METTL16: variants seen among roughly 807,000 people sequenced by gnomAD.
METTL16 encodes the protein RNA N(6)-adenosine-methyltransferase METTL16.
A neutral mutation model predicts 57.9 loss-of-function variants in METTL16; 19 were observed. The ratio of observed to expected loss-of-function variants is 0.33; its 90% confidence interval spans 0.23 to 0.48. The LOEUF (loss-of-function observed/expected upper bound fraction) is 0.48, where lower values mean the gene tolerates loss of function less well. METTL16 is among the 20% of genes least tolerant of loss of function. The pLI is 0.99. For synonymous variants in METTL16, 246 were observed against 255.6 expected (o/e 0.96, Z 0.36); for missense variants, 434 against 691.5 (o/e 0.63, Z 4.18).
chr17:2,459,192 A>G (rs1409597804), intron 6 of METTL16, among the ~76,000 whole-genome samples: 1 of 152,228 alleles, frequency 6.6e-6, no homozygotes, highest in Non-Finnish European at 1.5e-5. Context: ...AAGCACTTGT[A>G]AATCCTCATC....
At chr17:2,467,511 T>C (rs1156815074) in intron 5 of METTL16, among the ~76,000 whole-genome samples, 2 of 152,134 alleles carry the variant, frequency 1.3e-5, no homozygotes, top group Non-Finnish European at 2.9e-5. Flanking sequence ...CTGCAACCTC[T>C]GCCTCCCGGG....
chr17:2,417,105 G>T lies in METTL16; in HGVS notation c.*2865C>A, dbSNP rs967597913. ...TTTTTTGAGACAGTCCCACTTTGTC[G>T]CCCAGGCTGTAGTGCAGTGGCATTC... On this transcript the variant is annotated 3_prime_UTR_variant, in exon 10 of 10. Coordinates refer to ENST00000263092, the MANE Select transcript of METTL16 (RefSeq NM_024086.4). 9.8e-6 allele frequency: 1 copy of T among 102,092 alleles called. No homozygotes were observed. Among genetic ancestry groups the T allele is most frequent in the East Asian group, 3.8e-4 (1 of 2,616 alleles). The allele number at this position is 102,092 out of a possible 1,614,324, so 6.3% of individuals were successfully genotyped here.
chr17:2,444,257 T>C (rs567270304), intron 6 of METTL16, among the ~76,000 whole-genome samples: 1 of 152,004 alleles, frequency 6.6e-6, no homozygotes, highest in Non-Finnish European at 1.5e-5. Flanking sequence ...CGAGACTAGC[T>C]TGGCCAACAT....
At chr17:2,430,663 C>T (rs998154892) in intron 8 of METTL16, among the ~76,000 whole-genome samples, 5 of 152,026 alleles carry the variant, frequency 3.3e-5, no homozygotes, top group African/African-American at 7.2e-5. Flanking sequence ...CGCGATCCGC[C>T]GGCCTTGGCC....
At chr17:2,509,380 C>T (rs1158856143) in intron 1 of METTL16, among the ~76,000 whole-genome samples, 1 of 152,034 alleles carries the variant, frequency 6.6e-6, no homozygotes, top group African/African-American at 2.4e-5. Flanking sequence ...CCTTTACTGA[C>T]CATCAGGAAA....
At chr17:2,489,483 C>T (rs1431891181) in intron 2 of METTL16, among the ~76,000 whole-genome samples, 1 of 151,786 alleles carries the variant, frequency 6.6e-6, no homozygotes, top group Non-Finnish European at 1.5e-5. Context: ...GGTGAAACCC[C>T]GTCTCCACTA....
intron 8 of METTL16, among the ~76,000 whole-genome samples, chr17:2,427,100 C>T (rs1270177394): frequency 6.6e-6 from 1 of 152,248 alleles, no homozygotes; most frequent in South Asian, 2.1e-4. Flanking sequence ...GAGCCGACAT[C>T]GTGCCACAGC....
At chr17:2,489,484 G>A (rs1012793914) in intron 2 of METTL16, among the ~76,000 whole-genome samples, 1 of 151,772 alleles carries the variant, frequency 6.6e-6, no homozygotes, top group East Asian at 1.9e-4. Flanking sequence ...GTGAAACCCC[G>A]TCTCCACTAA....
chr17:2,458,220 G>A (rs1697131043), intron 6 of METTL16, among the ~76,000 whole-genome samples: 2 of 152,108 alleles, frequency 1.3e-5, no homozygotes, highest in African/African-American at 2.4e-5. Context: ...CCCAAAATAG[G>A]TGGATTATAT....
At chr17:2,460,347 A>G (rs1484425231) in intron 6 of METTL16, 1 of 152,116 alleles carries the variant, frequency 6.6e-6, no homozygotes, top group Non-Finnish European at 1.5e-5. Context: ...TAGCAAATTT[A>G]CACCCTTCAT....
At chr17:2,508,248 GTTTT>G (rs960931474) in intron 1 of METTL16, among the ~76,000 whole-genome samples, 1 of 152,094 alleles carries the variant, frequency 6.6e-6, no homozygotes, top group African/African-American at 2.4e-5. Context: ...ATTTCAGATG[GTTTT>G]TTGACAGCTT....
intron 8 of METTL16, among the ~76,000 whole-genome samples, chr17:2,434,600 G>A (rs4482328): frequency 0.27 from 41,309 of 152,060 alleles, 9,378 homozygotes; most frequent in African/African-American, 0.62. Context: ...AAAATGAGAG[G>A]GAGGTCTCAA....
chr17:2,468,003 C>A, intron 4 of METTL16, 127 bp from the exon 5 acceptor site: 1 of 649,096 alleles, frequency 1.5e-6, no homozygotes, highest in Admixed American at 2.7e-5. Flanking sequence ...ATTATAACAC[C>A]ACATTTTTAC....
chr17:2,481,661 A>T (rs2067307730), intron 2 of METTL16, among the ~76,000 whole-genome samples: 1 of 152,210 alleles, frequency 6.6e-6, no homozygotes, highest in Non-Finnish European at 1.5e-5. Context: ...AGTAAACATA[A>T]GAGAGGTTAA....
At chr17:2,505,395 ATTTTTTTTTTTTTTT>A (rs564797281) in intron 1 of METTL16, among the ~76,000 whole-genome samples, 5 of 50,590 alleles carry the variant, frequency 9.9e-5, no homozygotes, top group African/African-American at 2.6e-4. Flanking sequence ...GCCCAGAGGC[ATTTTTTTTTTTTTTT>A]TTTTTTTTTT....
intron 8 of METTL16, among the ~76,000 whole-genome samples, chr17:2,431,461 G>T (rs2066873727): frequency 6.6e-6 from 1 of 152,154 alleles, no homozygotes; most frequent in African/African-American, 2.4e-5. Flanking sequence ...TGATACGTGT[G>T]AATACACATT....
intron 6 of METTL16, among the ~76,000 whole-genome samples, chr17:2,457,177 C>CAA (rs779979026): frequency 1.5e-5 from 2 of 137,888 alleles, no homozygotes; most frequent in African/African-American, 2.7e-5. Context: ...ACTAAAAATA[C>CAA]AAAAAAAAAA....
intron 8 of METTL16, among the ~76,000 whole-genome samples, chr17:2,429,550 TAGG>T (rs1172001317): frequency 1.3e-5 from 2 of 151,234 alleles, no homozygotes; most frequent in Admixed American, 1.3e-4. Flanking sequence ...TAATAACTAA[TAGG>T]AGAAGTTTCC....
In METTL16 at chr17:2,419,835, A is replaced by G; in HGVS notation, c.*135T>C. 1 of 1,081,910 alleles carries G rather than the reference A, an allele frequency of 9.2e-7. No individual in the cohort carries two copies. The highest frequency in any genetic ancestry group is 1.4e-6 in the Non-Finnish European group (1 of 730,510). The allele number at this position is 1,081,910 out of a possible 1,614,324, so 67.0% of individuals were successfully genotyped here. ...GGAGGCGGGGGGAGGTGGGGGACAGATTCATAGGTTTTTGTTTTCGAAGAT... is the reference window on the plus strand; with the variant it reads ...GGAGGCGGGGGGAGGTGGGGGACAGGTTCATAGGTTTTTGTTTTCGAAGAT... On this transcript the variant is annotated 3_prime_UTR_variant, in exon 10 of 10. Transcript: ENST00000263092.
Sources: gnomAD v4.1 joint callset for allele counts (sites outside exome capture counted in the v4.1 genomes callset) on GRCh38, gnomAD v4.1.1 for gene constraint, MANE v1.5 for transcripts, NCBI Gene and HGNC (gene_info 2026-07-23, HGNC 2026-07-21) for gene names.